The following P2RX7 variants were observed in gnomAD, a reference collection of about 807,000 sequenced individuals.
P2RX7 encodes purinergic receptor P2X 7, also known as P2X purinoceptor 7.
A neutral mutation model predicts 71.6 loss-of-function variants in P2RX7; 62 were observed. The observed-to-expected ratio is 0.87, with a 90% confidence interval of 0.71 to 1.07. The LOEUF is 1.07. Ranked by LOEUF, P2RX7 falls within the 50% of genes least tolerant of loss-of-function variation. The pLI, the probability that P2RX7 is intolerant of heterozygous loss-of-function variation, is 0.00. For synonymous variants in P2RX7, 299 were observed against 283.3 expected, an observed-to-expected ratio of 1.06 and a Z score of -0.56; for missense variants, 686 against 748.5, an observed-to-expected ratio of 0.92 and a Z score of 0.97.
chr12:121,156,065 C>T lies in P2RX7; in HGVS notation c.295-14C>T, dbSNP rs201109806. The T allele has an allele frequency of 6.8e-6, 11 of 1,612,348 alleles. No individual in the cohort carries two copies. Among genetic ancestry groups the T allele is most frequent in the Non-Finnish European group, 8.5e-6 (10 of 1,178,360 alleles). On this transcript the variant is annotated splice_polypyrimidine_tract_variant and intron_variant, in intron 2 of 12. Transcript: ENST00000328963. ...CAAAGGCCTTGCATTTTCTTAGCCT[C>T]TCCTTCTCCACAGGGGAACTCTTTC...
In P2RX7 at chr12:121,184,892, C is replaced by G. The variant is rs1200197553; in HGVS notation, c.*90C>G. ...CTGAGGTCGGGAGTTGGAGACCCGC[C>G]TGGCTAACAAGGCGAAATCCTGTCT... is the stretch of plus-strand genomic sequence containing the variant. On this transcript the variant is annotated 3_prime_UTR_variant, in exon 13 of 13. Coordinates refer to ENST00000328963, the MANE Select transcript of P2RX7 (RefSeq NM_002562.6). The G allele has an allele frequency of 2.8e-6, 3 of 1,056,224 alleles. No homozygotes were observed. Among genetic ancestry groups the G allele is most frequent in the African/African-American group, 1.6e-5 (1 of 62,216 alleles). The allele number at this position is 1,056,224 out of a possible 1,614,324, so 65.4% of individuals were successfully genotyped here.
rs753080459 is a variant in P2RX7, at chr12:121,184,422, T to A, written c.1408T>A (p.Ser470Thr). The change falls in exon 13 of 13, where the codon TCC becomes ACC. Residue 470 changes from serine (S) to threonine (T), a missense_variant. By Grantham distance (58) the Ser-to-Thr change is moderately conservative (BLOSUM62 1). Transcript: ENST00000328963. ...QLLRKEATPR[S>T]RDSPVWCQCG... The stretch of plus-strand genomic sequence containing the variant: ...GCTTAGAAAGGAGGCGACTCCTAGA[T>A]CCAGGGATAGCCCCGTCTGGTGCCA... 3 of 1,613,992 alleles carry A rather than the reference T, an allele frequency of 1.9e-6. No individual in the cohort carries two copies. The South Asian group carries it at 3.3e-5, about 18-fold the overall frequency.
Position 121,185,082 on chromosome 12 carries a change from C to CA in P2RX7, c.*280_*281insA, listed in dbSNP as rs1555231866. 0.022 allele frequency: 4,341 copies of CA among 194,934 alleles called. 3 individuals are homozygous for CA. Among genetic ancestry groups the CA allele is most frequent in the East Asian group, 0.045 (438 of 9,630 alleles). 12.1% of individuals were successfully genotyped at this position (194,934 alleles called of 1,614,324 possible). Reference sequence around the variant, plus strand: ...CCTGGGAGGCACAGCAAACTGTCCCCCAAAAAAAAAAAAGAGTCCTTACCA... The same window carrying CA: ...CCTGGGAGGCACAGCAAACTGTCCCCACAAAAAAAAAAAAGAGTCCTTACCA... On this transcript the variant is annotated 3_prime_UTR_variant, in exon 13 of 13. Transcript: ENST00000328963.
intron 12 of P2RX7, among the ~76,000 whole-genome samples, chr12:121,182,171 A>C (rs2568001): frequency 0.39 from 59,181 of 151,974 alleles, 11,980 homozygotes; most frequent in African/African-American, 0.45. Flanking sequence ...ATTAAGCCAA[A>C]CTTGCATTCC....
At chr12:121,175,344 C>T (rs1370426341) in intron 8 of P2RX7, 44 bp from the exon 9 acceptor site, 1 of 1,058,934 alleles carries the variant, frequency 9.4e-7, no homozygotes, top group Admixed American at 1.9e-5. Context: ...AAACCCAGCA[C>T]TTTCAAAGGG....
At chr12:121,178,277 C>T (rs1206127403) in intron 11 of P2RX7, among the ~76,000 whole-genome samples, 1 of 152,044 alleles carries the variant, frequency 6.6e-6, no homozygotes, top group African/African-American at 2.4e-5. Flanking sequence ...AGCATCTAAC[C>T]AAATATCCAA....
At position 121,184,874 on chromosome 12, in the gene P2RX7, C is replaced by A; in HGVS notation, c.*72C>A. Reference sequence around the variant, plus strand: ...CCGAGGCAGGCAGATCACCTGAGGTCGGGAGTTGGAGACCCGCCTGGCTAA... The same window carrying A: ...CCGAGGCAGGCAGATCACCTGAGGTAGGGAGTTGGAGACCCGCCTGGCTAA... On this transcript the variant is annotated 3_prime_UTR_variant, in exon 13 of 13. Transcript: ENST00000328963. 2 of 1,269,736 alleles carry A rather than the reference C, an allele frequency of 1.6e-6. No homozygotes were observed. The highest frequency in any genetic ancestry group is 2.6e-5 in the East Asian group (1 of 39,190). 78.7% of individuals were successfully genotyped at this position (1,269,736 alleles called of 1,614,324 possible).
At chr12:121,156,629 G>T (rs537695630) in intron 3 of P2RX7, among the ~76,000 whole-genome samples, 27 of 152,302 alleles carry the variant, frequency 1.8e-4, no homozygotes, top group African/African-American at 6.3e-4. Context: ...CTCACTCACA[G>T]CTTCTCCTAC....
chr12:121,161,460 G>C (rs866720023), intron 4 of P2RX7, among the ~76,000 whole-genome samples: 1 of 151,714 alleles, frequency 6.6e-6, no homozygotes, highest in Non-Finnish European at 1.5e-5. Flanking sequence ...GTGCTATTGC[G>C]ATACCTGCAG....
At chr12:121,164,086 T>C (rs1280790946) in intron 5 of P2RX7, among the ~76,000 whole-genome samples, 1 of 152,188 alleles carries the variant, frequency 6.6e-6, no homozygotes, top group African/African-American at 2.4e-5. Flanking sequence ...GTAGTCCTTG[T>C]TCAAGACAAG....
chr12:121,167,672 C>T, intron 8 of P2RX7, 48 bp downstream of exon 8: 1 of 1,468,342 alleles, frequency 6.8e-7, no homozygotes, highest in Non-Finnish European at 9.0e-7. Flanking sequence ...GAATCGCATT[C>T]CCAGGAACTG....
chr12:121,183,313 G>A (rs1884434218), intron 12 of P2RX7, among the ~76,000 whole-genome samples: 1 of 151,686 alleles, frequency 6.6e-6, no homozygotes, highest in Non-Finnish European at 1.5e-5. Flanking sequence ...GCTCACGCTT[G>A]TAATCTCAGT....
chr12:121,151,496 C>T (rs931151364), intron 1 of P2RX7, among the ~76,000 whole-genome samples: 1 of 152,118 alleles, frequency 6.6e-6, no homozygotes, highest in African/African-American at 2.4e-5. Flanking sequence ...CCAAAGATTA[C>T]AGGCATGAGC....
intron 1 of P2RX7, among the ~76,000 whole-genome samples, chr12:121,146,507 G>A (rs934739102): frequency 6.6e-6 from 1 of 151,778 alleles, no homozygotes; most frequent in Middle Eastern, 3.2e-3. Context: ...GGCCAGGCTG[G>A]TCTTGAACTC....
chr12:121,161,003 T>C, intron 4 of P2RX7, 29 bp downstream of exon 4: 1 of 1,553,946 alleles, frequency 6.4e-7, no homozygotes, highest in Admixed American at 1.7e-5. Flanking sequence ...CCCGAGACCC[T>C]AGGGGTGGAT....
chr12:121,179,234 C>T (rs1354862543), intron 11 of P2RX7, among the ~76,000 whole-genome samples: 2 of 152,148 alleles, frequency 1.3e-5, no homozygotes, highest in Non-Finnish European at 2.9e-5. Context: ...CGTGGTGGCT[C>T]ACGCCTGTAG....
intron 3 of P2RX7, among the ~76,000 whole-genome samples, chr12:121,159,073 G>A (rs2136058282): frequency 6.6e-6 from 1 of 152,264 alleles, no homozygotes. Context: ...CATGTACTAT[G>A]TGCTAAACCC....
chr12:121,140,147 C>A (rs567922912), intron 1 of P2RX7, among the ~76,000 whole-genome samples: 1 of 152,088 alleles, frequency 6.6e-6, no homozygotes, highest in Admixed American at 6.6e-5. Flanking sequence ...TAACCCAGTT[C>A]GGGAAGTGAC....
intron 11 of P2RX7, among the ~76,000 whole-genome samples, chr12:121,179,488 G>A (rs1174470285): frequency 1.7e-4 from 23 of 135,344 alleles, no homozygotes; most frequent in African/African-American, 6.4e-4. Context: ...CAACAAGAGC[G>A]AAACTCCGTC....
Sources: gnomAD v4.1 joint callset for allele counts (sites outside exome capture counted in the v4.1 genomes callset) on GRCh38, gnomAD v4.1.1 for gene constraint, MANE v1.5 for transcripts, NCBI Gene and HGNC (gene_info 2026-07-23, HGNC 2026-07-21) for gene names.